Variants in OCA2 observed in about 807,000 individuals in gnomAD.
The protein encoded by OCA2 is OCA2 melanosomal transmembrane protein, also known as P protein.
OCA2 carries 77 observed loss-of-function variants against 100.2 expected under a neutral mutation model. The ratio of observed to expected loss-of-function variants is 0.77; its 90% CI spans 0.64 to 0.93. OCA2 has a LOEUF of 0.93. Among genes scored for constraint, OCA2 ranks in the 40% least tolerant of loss-of-function variants. The pLI is 0.00. For synonymous variants in OCA2, 432 were observed against 439.2 expected (o/e 0.98, Z 0.21); for missense variants, 1,062 against 1,089.1 (o/e 0.98, Z 0.35).
intron 2 of OCA2, among the ~76,000 whole-genome samples, chr15:28,045,918 C>G (rs2043333802): frequency 6.6e-6 from 1 of 152,172 alleles, no homozygotes; most frequent in Non-Finnish European, 1.5e-5. Flanking sequence ...ATACCAAAAC[C>G]CTCAGTCTTG....
At chr15:27,867,680 A>G (rs2036379072) in intron 21 of OCA2, among the ~76,000 whole-genome samples, 1 of 152,226 alleles carries the variant, frequency 6.6e-6, no homozygotes, top group African/African-American at 2.4e-5. Context: ...ACCAATTAAC[A>G]AAGTTCTCTG....
chr15:27,957,435 T>C lies in OCA2; in HGVS notation c.1784+153A>G, dbSNP rs937732501. Among the ~76,000 whole-genome samples, 10 of 152,138 alleles carry C rather than the reference T, an allele frequency of 6.6e-5. No individual in the cohort carries two copies. Among genetic ancestry groups the C allele is most frequent in the Non-Finnish European group, 1.0e-4 (7 of 68,026 alleles). On this transcript the variant is annotated intron_variant, in intron 16 of 23. Coordinates refer to ENST00000354638, the MANE Select transcript of OCA2 (RefSeq NM_000275.3). The surrounding 1 kb of genome is among the most constrained non-coding windows in gnomAD (Gnocchi z 4.3). ...GCTGTGTACCCCCTGCAGAGCTCAG[T>C]GAGGGTTAGATAAAATGTACTATAA...
chr15:27,913,901 AAGC>A lies in OCA2; in HGVS notation c.2079+12223_2079+12225del, dbSNP rs1567098766. 1.4e-4 allele frequency among the ~76,000 whole-genome samples: 5 copies of A among 34,816 alleles called. 1 individual carries two copies. Among genetic ancestry groups the A allele is most frequent in the African/African-American group, 5.6e-4 (5 of 8,892 alleles). 22.8% of individuals were successfully genotyped at this position (34,816 alleles called of 152,430 possible). A position where few individuals can be genotyped will look rare whatever the true frequency, so the allele number is the denominator to read the frequency against. Reference sequence around the variant, plus strand: ...AAAGAAAGAAAGAAAGAAAGCAAGCAAGCAAGCAAGCAAGCAAGCAAGCAAGCA... The same window carrying A: ...AAAGAAAGAAAGAAAGAAAGCAAGCAAAGCAAGCAAGCAAGCAAGCAAGCA... On this transcript the variant is annotated intron_variant, in intron 19 of 23. Transcript: ENST00000354638.
intron 2 of OCA2, among the ~76,000 whole-genome samples, chr15:28,070,071 A>G (rs1419451163): frequency 1.8e-5 from 2 of 111,852 alleles, no homozygotes; most frequent in Non-Finnish European, 3.1e-5. Flanking sequence ...CTGGGATGTG[A>G]GGAGCACCTC....
intron 2 of OCA2, among the ~76,000 whole-genome samples, chr15:28,069,578 G>A (rs1340218566): frequency 1.4e-5 from 2 of 141,372 alleles, no homozygotes; most frequent in African/African-American, 5.6e-5. Flanking sequence ...ACGCCTGACT[G>A]GTTTTGGTGG....
chr15:27,857,370 C>G (rs2035981835), intron 21 of OCA2, among the ~76,000 whole-genome samples: 1 of 151,954 alleles, frequency 6.6e-6, no homozygotes, highest in South Asian at 2.1e-4. Flanking sequence ...TCATAAGAGA[C>G]AGAAAGTAAG....
chr15:28,093,116 C>T (rs1049726560), intron 1 of OCA2, among the ~76,000 whole-genome samples: 1 of 152,110 alleles, frequency 6.6e-6, no homozygotes, highest in Admixed American at 6.6e-5. Context: ...AAACTATGAG[C>T]TATCACTGCA....
intron 19 of OCA2, among the ~76,000 whole-genome samples, chr15:27,913,310 T>C (rs2038468649): frequency 1.3e-5 from 2 of 152,010 alleles, no homozygotes; most frequent in African/African-American, 2.4e-5. Flanking sequence ...TTTTACGATA[T>C]TTATGTAAGC....
At position 27,873,036 on chromosome 15, in the gene OCA2, C is replaced by G. The variant is rs551039818; in HGVS notation, c.2080-1114G>C. ...GCTTCAGAATCTCAATCTGCATGTA[C>G]AGTTGTTAGCCGACTTTCATTTAAA... is the stretch of plus-strand genomic sequence containing the variant. On this transcript the variant is annotated intron_variant, in intron 19 of 23. Coordinates refer to ENST00000354638, the MANE Select transcript of OCA2 (RefSeq NM_000275.3). Among the ~76,000 whole-genome samples, 3 of 152,278 alleles carry G rather than the reference C, an allele frequency of 2.0e-5. No individual in the cohort carries two copies. In the South Asian group the frequency reaches 6.2e-4, roughly 32 times the overall value.
At chr15:28,069,814 C>T (rs1267013352) in intron 2 of OCA2, among the ~76,000 whole-genome samples, 22 of 134,098 alleles carry the variant, frequency 1.6e-4, no homozygotes, top group African/African-American at 6.4e-4. Flanking sequence ...AGCCTCTGCC[C>T]GGCCGCCACC....
At chr15:27,969,614 TCAG>T (rs1227774041) in intron 14 of OCA2, among the ~76,000 whole-genome samples, 1 of 152,222 alleles carries the variant, frequency 6.6e-6, no homozygotes, top group Non-Finnish European at 1.5e-5. Flanking sequence ...TAGGCTCCAC[TCAG>T]TCATTTTCTT....
intron 23 of OCA2, among the ~76,000 whole-genome samples, chr15:27,760,971 G>C (rs2030785758): frequency 6.6e-6 from 1 of 151,966 alleles, no homozygotes; most frequent in Non-Finnish European, 1.5e-5. Flanking sequence ...TCTAGGAAAA[G>C]GAAGCAAATG....
chr15:28,003,805 G>C (rs112265273), intron 9 of OCA2, among the ~76,000 whole-genome samples: 2 of 152,180 alleles, frequency 1.3e-5, no homozygotes, highest in Admixed American at 6.5e-5. Context: ...TCGCGTCCTC[G>C]ATCTGGGTGC....
chr15:28,070,611 A>T (rs2044225994), intron 2 of OCA2, among the ~76,000 whole-genome samples: 2 of 141,328 alleles, frequency 1.4e-5, no homozygotes, highest in African/African-American at 2.7e-5. Context: ...GGCCGCCCCT[A>T]CTGGGAAGTG....
chr15:27,887,460 G>T (rs779559529), intron 19 of OCA2, among the ~76,000 whole-genome samples: 21 of 151,664 alleles, frequency 1.4e-4, no homozygotes, highest in Admixed American at 2.0e-4. Flanking sequence ...AACCATGGGG[G>T]GCACCCCATC....
chr15:27,931,551 G>T (rs968360244), intron 18 of OCA2, among the ~76,000 whole-genome samples: 1 of 151,966 alleles, frequency 6.6e-6, no homozygotes, highest in Non-Finnish European at 1.5e-5. Flanking sequence ...GGCCAGGCTG[G>T]TCTCAAACTC....
chr15:28,005,683 C>T (rs1405992137), intron 9 of OCA2, among the ~76,000 whole-genome samples: 1 of 152,162 alleles, frequency 6.6e-6, no homozygotes. Flanking sequence ...TTGTAAAGAC[C>T]CACTGAGCTC....
In OCA2 at chr15:28,025,138, A is replaced by G. The variant is rs113022539; in HGVS notation, c.516-236T>C. ...ACAAAGTTAACCAAAGTGTTTGCAC[A>G]TAGCTTGTTGTTGGGGAAACTAAAG... On this transcript the variant is annotated intron_variant, in intron 4 of 23. Transcript: ENST00000354638. Among the ~76,000 whole-genome samples the G allele has an allele frequency of 4.1e-3, 627 of 152,328 alleles. 6 individuals carry two copies. The highest frequency in any genetic ancestry group is 0.015 in the African/African-American group (608 of 41,580).
At chr15:27,785,097 C>A (rs912678438) in intron 23 of OCA2, among the ~76,000 whole-genome samples, 1 of 152,118 alleles carries the variant, frequency 6.6e-6, no homozygotes, top group Non-Finnish European at 1.5e-5. Flanking sequence ...CACCACATTA[C>A]ATACAGAAAA....
Sources: allele counts gnomAD v4.1 joint callset (sites outside exome capture counted in the v4.1 genomes callset), GRCh38; gene constraint gnomAD v4.1.1; non-coding constraint Gnocchi (gnomAD v3.1); transcripts MANE v1.5; gene names NCBI Gene and HGNC (gene_info 2026-07-23, HGNC 2026-07-21).